Variants in TBCK observed in about 807,000 individuals in gnomAD.
TBCK encodes TBC domain-containing protein kinase-like protein.
In TBCK, 99 loss-of-function variants were observed where a neutral mutation model predicts 113.4. That is an observed-to-expected ratio of 0.87 (90% CI 0.74 to 1.03). The LOEUF is 1.03. TBCK is among the 50% of genes least tolerant of loss of function. The probability of loss-of-function intolerance (pLI) is 0.00; values close to 1 mark genes in which losing one functional copy is unlikely to be tolerated. For missense variants in TBCK, 1,045 were observed against 1,061.3 expected (o/e 0.98, Z 0.21); for synonymous variants, 369 against 370.8 (o/e 1.00, Z 0.05).
intron 3 of TBCK, among the ~76,000 whole-genome samples, chr4:106,286,526 C>T (rs1765125298): frequency 1.3e-5 from 2 of 152,086 alleles, no homozygotes; most frequent in Admixed American, 1.3e-4. Context: ...AGTTCAAAAA[C>T]ATTTTTAAAA....
At chr4:106,182,560 TGA>T (rs1201160299) in intron 22 of TBCK, 1 of 152,148 alleles carries the variant, frequency 6.6e-6, no homozygotes, top group African/African-American at 2.4e-5. Flanking sequence ...CCTAGTTTAT[TGA>T]GAGTTTTTAG....
At chr4:106,134,031 A>AC (rs1450146057) in intron 23 of TBCK, among the ~76,000 whole-genome samples, 2 of 128,060 alleles carry the variant, frequency 1.6e-5, no homozygotes, top group Non-Finnish European at 3.4e-5. Context: ...AAAAACAAAA[A>AC]AAAAAACAAA....
At chr4:106,304,269 A>C (rs1560996417) in intron 2 of TBCK, among the ~76,000 whole-genome samples, 1 of 152,152 alleles carries the variant, frequency 6.6e-6, no homozygotes, top group African/African-American at 2.4e-5. Context: ...ACACAAAAAA[A>C]GGTGGGGGAC....
chr4:106,080,838 AC>A (rs1320128541), intron 25 of TBCK, among the ~76,000 whole-genome samples: 2 of 151,572 alleles, frequency 1.3e-5, no homozygotes, highest in African/African-American at 4.9e-5. Context: ...TTAAAAAAAA[AC>A]CCATTAGAAA....
At chr4:106,069,819 T>C (rs960513022) in intron 25 of TBCK, among the ~76,000 whole-genome samples, 1 of 152,244 alleles carries the variant, frequency 6.6e-6, no homozygotes, top group Non-Finnish European at 1.5e-5. Context: ...TTTTATTTTG[T>C]TGAGCAGTGG....
intron 23 of TBCK, among the ~76,000 whole-genome samples, chr4:106,135,445 C>G (rs1167627488): frequency 1.0e-5 from 1 of 96,686 alleles, no homozygotes; most frequent in Non-Finnish European, 2.7e-5. Flanking sequence ...CACTTAACCA[C>G]ATCACTACCC....
At chr4:106,076,625 C>T (rs1333620317) in intron 25 of TBCK, among the ~76,000 whole-genome samples, 4 of 152,022 alleles carry the variant, frequency 2.6e-5, no homozygotes, top group Admixed American at 6.6e-5. Context: ...AGAGAAGCGG[C>T]GGGTCACTTA....
chr4:106,251,756 GTAAT>G (rs1761448739), intron 6 of TBCK, 106 bp downstream of exon 6: 1 of 1,019,804 alleles, frequency 9.8e-7, no homozygotes, highest in Non-Finnish European at 1.3e-6. Context: ...CTCCTCATAT[GTAAT>G]TAATTTGTAC....
chr4:106,305,970 C>A (rs772428116), intron 2 of TBCK, among the ~76,000 whole-genome samples: 1 of 152,152 alleles, frequency 6.6e-6, no homozygotes, highest in Non-Finnish European at 1.5e-5. Context: ...CAACCAGCAG[C>A]CCTTGGGGCT....
rs1579511956 is a variant in TBCK at position 106,285,867 on chromosome 4, C to G, written c.266+9227G>C. Among the ~76,000 whole-genome samples the G allele has an allele frequency of 2.0e-5, 3 of 152,310 alleles. No homozygotes were observed. In the South Asian group the frequency reaches 6.2e-4, roughly 32 times the overall value. ...TATAAACCTTAAGAACATCTTCTCA[C>G]TTTCTATAAACAGGTTATAAAATTG... is the stretch of plus-strand genomic sequence containing the variant. On this transcript the variant is annotated intron_variant, in intron 3 of 25. Transcript: ENST00000394708.
At chr4:106,143,677 G>T (rs767936562) in intron 23 of TBCK, among the ~76,000 whole-genome samples, 1 of 152,130 alleles carries the variant, frequency 6.6e-6, no homozygotes, top group African/African-American at 2.4e-5. Flanking sequence ...CACTTTGGGA[G>T]GCCAAGGCGG....
chr4:106,166,134 C>T (rs977297677), intron 23 of TBCK, among the ~76,000 whole-genome samples: 1 of 151,628 alleles, frequency 6.6e-6, no homozygotes, highest in African/African-American at 2.4e-5. Flanking sequence ...AGCATGCATA[C>T]ATTATTTTTG....
intron 23 of TBCK, among the ~76,000 whole-genome samples, chr4:106,123,820 C>T (rs1483327619): frequency 2.7e-5 from 4 of 148,668 alleles, no homozygotes; most frequent in African/African-American, 7.4e-5. Flanking sequence ...GAAACTGGAT[C>T]CCTTCCTTAC....
At chr4:106,181,953 T>C (rs1183047250) in intron 22 of TBCK, among the ~76,000 whole-genome samples, 1 of 152,206 alleles carries the variant, frequency 6.6e-6, no homozygotes, top group East Asian at 1.9e-4. Flanking sequence ...ATAAATTACT[T>C]TGGGCAGTAA....
chr4:106,231,666 T>C (rs1383479570), intron 18 of TBCK, 63 bp downstream of exon 18: 9 of 1,477,776 alleles, frequency 6.1e-6, no homozygotes, highest in East Asian at 2.3e-5. Context: ...AAACCTTTCA[T>C]GTGTGAATCA....
At chr4:106,126,939 T>A (rs888342863) in intron 23 of TBCK, among the ~76,000 whole-genome samples, 4 of 152,168 alleles carry the variant, frequency 2.6e-5, no homozygotes, top group African/African-American at 9.7e-5. Flanking sequence ...CTGGGTGTGG[T>A]GGCTCATGCC....
At chr4:106,047,545 T>C (rs1316927530) in intron 25 of TBCK, among the ~76,000 whole-genome samples, 2 of 152,196 alleles carry the variant, frequency 1.3e-5, no homozygotes, top group Non-Finnish European at 2.9e-5. Context: ...TTCATTTTCC[T>C]GCTCAGGCAC....
chr4:106,083,017 T>A (rs1489053593), intron 25 of TBCK, among the ~76,000 whole-genome samples: 1 of 152,240 alleles, frequency 6.6e-6, no homozygotes, highest in Non-Finnish European at 1.5e-5. Context: ...AACCCTAGAA[T>A]GTGCAGATTC....
At chr4:106,047,774 G>C (rs1560576849) in intron 25 of TBCK, among the ~76,000 whole-genome samples, 1 of 152,020 alleles carries the variant, frequency 6.6e-6, no homozygotes, top group East Asian at 1.9e-4. Context: ...ATAAAACCTA[G>C]GGCAAAATTA....
Sources: gnomAD v4.1 joint callset for allele counts (sites outside exome capture counted in the v4.1 genomes callset) on GRCh38, gnomAD v4.1.1 for gene constraint, MANE v1.5 for transcripts, NCBI Gene and HGNC (gene_info 2026-07-23, HGNC 2026-07-21) for gene names.